Variants in ITPR2 observed in about 807,000 individuals in gnomAD.
ITPR2 encodes the protein inositol 1,4,5-trisphosphate receptor type 2, also known as inositol 1,4,5-trisphosphate-gated calcium channel ITPR2.
Under a neutral mutation model 317.1 loss-of-function variants are expected in ITPR2, and 207 were observed. The observed-to-expected ratio is 0.65, with a 90% confidence interval of 0.58 to 0.73. The LOEUF is 0.73. ITPR2 is among the 30% of genes least tolerant of loss of function. The pLI is 0.00. For synonymous variants in ITPR2, 1,156 were observed against 1,149.1 expected, an observed-to-expected ratio of 1.01 and a Z score of -0.12; for missense variants, 2,613 against 3,284.0, an observed-to-expected ratio of 0.80 and a Z score of 4.99.
At chr12:26,346,140 CA>C (rs1288452411) in intron 55 of ITPR2, among the ~76,000 whole-genome samples, 1 of 152,190 alleles carries the variant, frequency 6.6e-6, no homozygotes, top group Non-Finnish European at 1.5e-5. Flanking sequence ...TTCTAAAATG[CA>C]AAACTCCAAG....
intron 50 of ITPR2, among the ~76,000 whole-genome samples, chr12:26,418,598 G>T (rs1437189386): frequency 1.3e-5 from 2 of 151,940 alleles, no homozygotes; most frequent in Non-Finnish European, 2.9e-5. Context: ...TTGCTATGAT[G>T]GTTTTTTTAA....
intron 38 of ITPR2, among the ~76,000 whole-genome samples, chr12:26,494,895 C>T (rs576285653): frequency 3.5e-4 from 51 of 146,258 alleles, no homozygotes; most frequent in African/African-American, 1.2e-3. Flanking sequence ...AAAGAGAAAA[C>T]TAGCTTTATT....
At chr12:26,495,544 T>A in intron 37 of ITPR2, 1 of 244,188 alleles carries the variant, frequency 4.1e-6, no homozygotes, top group Non-Finnish European at 7.8e-6. Context: ...TATACTTATC[T>A]CCAAACTCAT....
At chr12:26,633,573 A>G (rs1430915577) in intron 21 of ITPR2, among the ~76,000 whole-genome samples, 2 of 152,356 alleles carry the variant, frequency 1.3e-5, no homozygotes, top group African/African-American at 4.8e-5. Flanking sequence ...TTGAGGCAAA[A>G]GGATTTGAGC....
chr12:26,617,180 G>C (rs1946390687), intron 26 of ITPR2, among the ~76,000 whole-genome samples: 2 of 152,154 alleles, frequency 1.3e-5, no homozygotes, highest in South Asian at 4.2e-4. Flanking sequence ...TAAAACTCTG[G>C]AAAGATTGAG....
At chr12:26,755,031 G>A (rs1949495728) in intron 2 of ITPR2, among the ~76,000 whole-genome samples, 1 of 152,174 alleles carries the variant, frequency 6.6e-6, no homozygotes, top group South Asian at 2.1e-4. Context: ...ATAAAATGGT[G>A]TTTGGTTTCC....
At chr12:26,745,329 TC>T (rs1949301144) in intron 2 of ITPR2, among the ~76,000 whole-genome samples, 1 of 152,216 alleles carries the variant, frequency 6.6e-6, no homozygotes, top group African/African-American at 2.4e-5. Flanking sequence ...ATGGTGATGT[TC>T]CCACTCTGTG....
At chr12:26,362,723 A>G (rs1938875038) in intron 55 of ITPR2, among the ~76,000 whole-genome samples, 2 of 152,210 alleles carry the variant, frequency 1.3e-5, no homozygotes, top group Non-Finnish European at 2.9e-5. Flanking sequence ...TCTTGCAATA[A>G]TAACATTAGA....
At chr12:26,588,249 G>A (rs1945588362) in intron 32 of ITPR2, among the ~76,000 whole-genome samples, 1 of 152,076 alleles carries the variant, frequency 6.6e-6, no homozygotes, top group African/African-American at 2.4e-5. Context: ...GACAGAGAAG[G>A]GATCCATTCC....
Position 26,516,257 on chromosome 12 carries a change from GA to G in ITPR2, c.5074-20998del, listed in dbSNP as rs1200785062. 3.2e-4 allele frequency among the ~76,000 whole-genome samples: 16 copies of G among 49,962 alleles called. 2 individuals are homozygous for G. Among genetic ancestry groups the G allele is most frequent in the South Asian group, 9.7e-4 (1 of 1,036 alleles). The allele number at this position is 49,962 out of a possible 152,430, so 32.8% of individuals were successfully genotyped here. A position where few individuals can be genotyped will look rare whatever the true frequency, so the allele number is the denominator to read the frequency against. On this transcript the variant is annotated intron_variant, in intron 37 of 56. Transcript: ENST00000381340. Reference sequence around the variant, plus strand: ...GAAAGGAAAGGAAAGGAAAGGAAAGGAAAGGAAAGGAAAGGAAGGGAAGGGA... The same window carrying G: ...GAAAGGAAAGGAAAGGAAAGGAAAGGAAGGAAAGGAAAGGAAGGGAAGGGA...
intron 2 of ITPR2, among the ~76,000 whole-genome samples, chr12:26,752,790 T>C (rs1200481931): frequency 6.6e-6 from 1 of 152,070 alleles, no homozygotes; most frequent in African/African-American, 2.4e-5. Flanking sequence ...TCCTGTAACA[T>C]CATTCTGGAG....
intron 37 of ITPR2, among the ~76,000 whole-genome samples, chr12:26,543,914 A>T (rs1944325203): frequency 6.6e-6 from 1 of 152,182 alleles, no homozygotes. Context: ...AGCCTTCTAA[A>T]TATGCCAACC....
intron 5 of ITPR2, among the ~76,000 whole-genome samples, chr12:26,721,108 C>A (rs1284983449): frequency 6.6e-6 from 1 of 151,868 alleles, no homozygotes; most frequent in African/African-American, 2.4e-5. Context: ...AGTCCCTGAA[C>A]AATTGAGAGT....
intron 49 of ITPR2, among the ~76,000 whole-genome samples, chr12:26,425,193 CT>C (rs1365474916): frequency 6.6e-6 from 1 of 152,088 alleles, no homozygotes; most frequent in African/African-American, 2.4e-5. Flanking sequence ...ATCATCCTGC[CT>C]CAGCCTCCCA....
At chr12:26,426,828 A>T (rs575767361) in intron 49 of ITPR2, among the ~76,000 whole-genome samples, 4,198 of 151,050 alleles carry the variant, frequency 0.028, 124 homozygotes, top group African/African-American at 0.079. Flanking sequence ...ATAAATAAAT[A>T]AAATAAATAC....
At chr12:26,589,809 A>AAAAT (rs1165813462) in intron 32 of ITPR2, among the ~76,000 whole-genome samples, 1 of 39,378 alleles carries the variant, frequency 2.5e-5, no homozygotes, top group East Asian at 2.4e-4. Context: ...AAATAAATAA[A>AAAAT]AAATAAATAA....
intron 45 of ITPR2, among the ~76,000 whole-genome samples, chr12:26,472,968 C>T (rs1293957898): frequency 6.6e-6 from 1 of 152,062 alleles, no homozygotes; most frequent in African/African-American, 2.4e-5. Context: ...CTCACTGCAA[C>T]CTCCACCTTC....
chr12:26,627,929 T>G, intron 23 of ITPR2, 104 bp downstream of exon 23: 1 of 1,118,724 alleles, frequency 8.9e-7, no homozygotes, highest in African/African-American at 1.6e-5. Flanking sequence ...AATAAAAAAA[T>G]TTAAAAAGCA....
chr12:26,340,062 A>G (rs2136538143), intron 56 of ITPR2, 105 bp downstream of exon 56: 3 of 1,147,116 alleles, frequency 2.6e-6, no homozygotes, highest in East Asian at 2.6e-5. Flanking sequence ...GGAGTTTGCA[A>G]TTCTCTGTGG....
Sources: gnomAD v4.1 joint callset for allele counts (sites outside exome capture counted in the v4.1 genomes callset) on GRCh38, gnomAD v4.1.1 for gene constraint, MANE v1.5 for transcripts, NCBI Gene and HGNC (gene_info 2026-07-23, HGNC 2026-07-21) for gene names.